The following FGF12 variants were observed in gnomAD, a reference collection of about 807,000 sequenced individuals.
The protein encoded by FGF12 is fibroblast growth factor 12.
A neutral mutation model predicts 23.6 loss-of-function variants in FGF12; 14 were observed. The observed-to-expected ratio is 0.59, with a 90% CI of 0.39 to 0.93. The LOEUF (loss-of-function observed/expected upper bound fraction) is 0.93. FGF12 is among the 40% of genes least tolerant of loss of function. FGF12 has a pLI of 0.00. For missense variants in FGF12, 175 were observed against 217.8 expected (o/e 0.80, Z 1.24); for synonymous variants, 62 against 77.3 (o/e 0.80, Z 1.04).
intron 2 of FGF12, among the ~76,000 whole-genome samples, chr3:192,401,830 C>T (rs920275489): frequency 6.6e-5 from 10 of 152,200 alleles, no homozygotes; most frequent in African/African-American, 2.4e-4. Context: ...ACCGAGCTCC[C>T]TCTCACATCA....
chr3:192,627,565 T>C (rs536479317), intron 2 of FGF12, among the ~76,000 whole-genome samples: 22 of 152,276 alleles, frequency 1.4e-4, no homozygotes, highest in African/African-American at 5.1e-4. Flanking sequence ...TATTTTCCTC[T>C]GTCCTTGACA....
intron 3 of FGF12, among the ~76,000 whole-genome samples, chr3:192,347,583 G>A (rs1560079831): frequency 1.3e-5 from 2 of 152,098 alleles, no homozygotes; most frequent in Admixed American, 1.3e-4. Flanking sequence ...GAGACCATAT[G>A]TAACTGTATA....
chr3:192,713,503 T>G (rs903170792), intron 2 of FGF12, among the ~76,000 whole-genome samples: 2 of 152,310 alleles, frequency 1.3e-5, no homozygotes, highest in South Asian at 4.1e-4. Flanking sequence ...CATGAGAGAT[T>G]GTTTTTATAC....
chr3:192,670,091 A>C (rs1717054598), intron 2 of FGF12, among the ~76,000 whole-genome samples: 1 of 152,200 alleles, frequency 6.6e-6, no homozygotes. Context: ...TATATCCCAT[A>C]CGAGGCTGGA....
At chr3:192,484,815 G>T (rs76210168) in intron 2 of FGF12, among the ~76,000 whole-genome samples, 1 of 152,110 alleles carries the variant, frequency 6.6e-6, no homozygotes, top group African/African-American at 2.4e-5. Flanking sequence ...TGGTGCTCCC[G>T]GAACTGTGCA....
At chr3:192,368,589 G>C (rs1719087471) in intron 2 of FGF12, among the ~76,000 whole-genome samples, 1 of 152,166 alleles carries the variant, frequency 6.6e-6, no homozygotes, top group African/African-American at 2.4e-5. Flanking sequence ...CAACAGATTA[G>C]AGGCTCTCTG....
intron 2 of FGF12, among the ~76,000 whole-genome samples, chr3:192,388,243 A>C (rs2177815): frequency 6.6e-6 from 1 of 151,910 alleles, no homozygotes; most frequent in African/African-American, 2.4e-5. Context: ...CAGCCTGGGC[A>C]ACAAAGCAAG....
intron 2 of FGF12, among the ~76,000 whole-genome samples, chr3:192,480,470 A>G (rs1400342764): frequency 6.6e-6 from 1 of 152,204 alleles, no homozygotes; most frequent in African/African-American, 2.4e-5. Flanking sequence ...TGTGCTGGCC[A>G]GTGCAAAGAG....
At chr3:192,613,648 C>T (rs1009780866) in intron 2 of FGF12, among the ~76,000 whole-genome samples, 3 of 151,364 alleles carry the variant, frequency 2.0e-5, no homozygotes, top group African/African-American at 7.3e-5. Context: ...TTGGCATGTT[C>T]AAAGAAAAAA....
rs868788263 is a variant in FGF12, at chr3:192,378,982, C to T, written c.14-18444G>A. Among the ~76,000 whole-genome samples the T allele has an allele frequency of 2.6e-5, 4 of 152,156 alleles. No homozygotes were observed. In the South Asian group the frequency reaches 8.3e-4, roughly 32 times the overall value. On this transcript the variant is annotated intron_variant, in intron 2 of 5. Coordinates refer to ENST00000445105, the MANE Select transcript of FGF12 (RefSeq NM_004113.6). ...GTGTCCATGATTTCTCATCATTTAG[C>T]TCTCACTTATAAGTGAGAACATGTG...
At chr3:192,158,551 T>C (rs1318725679) in intron 5 of FGF12, among the ~76,000 whole-genome samples, 10 of 112,984 alleles carry the variant, frequency 8.9e-5, no homozygotes, top group Non-Finnish European at 1.7e-4. Context: ...GCCCTCCCTC[T>C]CTCCCTCCCT....
At chr3:192,464,016 A>G (rs1722936789) in intron 2 of FGF12, among the ~76,000 whole-genome samples, 1 of 152,064 alleles carries the variant, frequency 6.6e-6, no homozygotes, top group Non-Finnish European at 1.5e-5. Context: ...TCTACTCTTG[A>G]CTACAAATTA....
intron 2 of FGF12, among the ~76,000 whole-genome samples, chr3:192,638,567 G>A (rs188148914): frequency 5.3e-4 from 80 of 152,288 alleles, no homozygotes; most frequent in Admixed American, 1.3e-3. Context: ...TATCCTAACA[G>A]TAAAGCACTC....
At chr3:192,527,646 C>A (rs1724977365) in intron 2 of FGF12, among the ~76,000 whole-genome samples, 1 of 152,134 alleles carries the variant, frequency 6.6e-6, no homozygotes, top group Non-Finnish European at 1.5e-5. Context: ...TCCATTTAGA[C>A]TGAACTGTTA....
intron 2 of FGF12, among the ~76,000 whole-genome samples, chr3:192,459,855 G>GTT (rs1482727997): frequency 6.6e-6 from 1 of 151,720 alleles, no homozygotes; most frequent in Non-Finnish European, 1.5e-5. Context: ...GTGTGTGTGT[G>GTT]TGTTTGTGTG....
At chr3:192,688,303 C>T (rs1170071683) in intron 2 of FGF12, among the ~76,000 whole-genome samples, 1 of 152,162 alleles carries the variant, frequency 6.6e-6, no homozygotes, top group East Asian at 1.9e-4. Context: ...TGGTGCCCCA[C>T]ACCACTACAC....
chr3:192,201,352 G>C (rs1353754468), intron 4 of FGF12, among the ~76,000 whole-genome samples: 1 of 152,206 alleles, frequency 6.6e-6, no homozygotes, highest in African/African-American at 2.4e-5. Flanking sequence ...TATTCAGAAA[G>C]GGGCAGGCAA....
intron 4 of FGF12, among the ~76,000 whole-genome samples, chr3:192,283,560 A>G (rs904276426): frequency 2.6e-5 from 4 of 152,118 alleles, no homozygotes; most frequent in African/African-American, 9.7e-5. Flanking sequence ...TTATTTGTGT[A>G]CACATGTTAT....
chr3:192,601,286 G>A (rs1052127974), intron 2 of FGF12, among the ~76,000 whole-genome samples: 21 of 152,190 alleles, frequency 1.4e-4, no homozygotes, highest in Non-Finnish European at 2.5e-4. Context: ...TATAGGCTGG[G>A]AAGAGTAGGG....
Sources: gnomAD v4.1 joint callset for allele counts (sites outside exome capture counted in the v4.1 genomes callset) on GRCh38, gnomAD v4.1.1 for gene constraint, MANE v1.5 for transcripts, NCBI Gene and HGNC (gene_info 2026-07-23, HGNC 2026-07-21) for gene names.